Variants in MALRD1 observed in about 807,000 individuals in gnomAD.
The protein encoded by MALRD1 is MAM and LDL-receptor class A domain-containing protein 1.
MALRD1 carries 247 observed loss-of-function variants against 242.1 expected under a neutral mutation model. The observed-to-expected ratio is 1.02, with a 90% CI of 0.92 to 1.13. The LOEUF (loss-of-function observed/expected upper bound fraction) is 1.13, where lower values mean the gene tolerates loss of function less well. Among genes scored for constraint, MALRD1 ranks in the 50% most tolerant of loss-of-function variants. The pLI, the probability that MALRD1 is intolerant of heterozygous loss-of-function variation, is 0.00. For synonymous variants in MALRD1, 995 were observed against 866.6 expected, an observed-to-expected ratio of 1.15 and a Z score of -2.60; for missense variants, 2,989 against 2,533.1, an observed-to-expected ratio of 1.18 and a Z score of -3.86.
intron 28 of MALRD1, among the ~76,000 whole-genome samples, chr10:19,396,785 T>C (rs1846601692): frequency 6.6e-6 from 1 of 152,188 alleles, no homozygotes; most frequent in African/African-American, 2.4e-5. Flanking sequence ...TCCACACATG[T>C]TACAGAGGAG....
At chr10:19,171,447 TATATATATATACACACATGTATATAC>T in intron 13 of MALRD1, among the ~76,000 whole-genome samples, 1 of 111,352 alleles carries the variant, frequency 9.0e-6, no homozygotes, top group African/African-American at 2.9e-5. Flanking sequence ...TATATATATA[TATATATATATACACACATGTATATAC>T]ACACACACAT....
At chr10:19,346,469 A>G (rs117696438) in intron 24 of MALRD1, among the ~76,000 whole-genome samples, 1 of 152,276 alleles carries the variant, frequency 6.6e-6, no homozygotes, top group East Asian at 1.9e-4. Context: ...ATCTGAAGAC[A>G]TATCAACATG....
intron 30 of MALRD1, among the ~76,000 whole-genome samples, chr10:19,495,444 T>G (rs926948282): frequency 1.1e-4 from 16 of 149,436 alleles, no homozygotes; most frequent in African/African-American, 3.7e-4. Context: ...ATATTCAACA[T>G]TCTAAAAAAA....
chr10:19,700,152 A>T (rs944865074), intron 38 of MALRD1, among the ~76,000 whole-genome samples: 4 of 151,648 alleles, frequency 2.6e-5, no homozygotes, highest in Non-Finnish European at 5.9e-5. Context: ...AATAGAAGAC[A>T]CCTCCCTACT....
intron 36 of MALRD1, among the ~76,000 whole-genome samples, chr10:19,669,847 C>T (rs1244372458): frequency 1.3e-5 from 2 of 152,018 alleles, no homozygotes; most frequent in African/African-American, 2.4e-5. Context: ...GAATAAGAAA[C>T]TGCTGATTAT....
chr10:19,530,415 A>AT lies in MALRD1; in HGVS notation c.5321-779_5321-778insT, dbSNP rs1564417377. Among the ~76,000 whole-genome samples, 288 of 19,290 alleles carry AT rather than the reference A, an allele frequency of 0.015. 25 individuals are homozygous for AT. The East Asian group carries it at 0.24, about 16-fold the overall frequency. The allele number at this position is 19,290 out of a possible 152,430, so 12.7% of individuals were successfully genotyped here. A position where few individuals can be genotyped will look rare whatever the true frequency, so the allele number is the denominator to read the frequency against. On this transcript the variant is annotated intron_variant, in intron 31 of 39. Transcript: ENST00000454679. ...TTATATAAATATTATATATTTATAT[A>AT]ATAATAAATATATAATATATATAAT...
At chr10:19,305,504 A>AAGTATTGC (rs1842124211) in intron 21 of MALRD1, among the ~76,000 whole-genome samples, 1 of 151,312 alleles carries the variant, frequency 6.6e-6, no homozygotes, top group Non-Finnish European at 1.5e-5. Context: ...AGCTAAATAA[A>AAGTATTGC]AGTATTGCAA....
chr10:19,491,922 C>G (rs151330583), intron 30 of MALRD1, among the ~76,000 whole-genome samples: 1 of 151,790 alleles, frequency 6.6e-6, no homozygotes, highest in South Asian at 2.1e-4. Flanking sequence ...ATTAGGCACA[C>G]TGTGTGTAGG....
chr10:19,554,252 C>T (rs73595840), intron 32 of MALRD1, among the ~76,000 whole-genome samples: 7,282 of 152,218 alleles, frequency 0.048, 560 homozygotes, highest in African/African-American at 0.17. Context: ...CCAGCATCTG[C>T]TTCTGGTGAG....
At chr10:19,161,278 TCA>T (rs1398404642) in intron 12 of MALRD1, among the ~76,000 whole-genome samples, 111 of 107,104 alleles carry the variant, frequency 1.0e-3, no homozygotes, top group Non-Finnish European at 1.8e-3. Context: ...CCACATATTC[TCA>T]CTCATAGGTG....
intron 36 of MALRD1, among the ~76,000 whole-genome samples, chr10:19,642,298 G>T (rs1443967873): frequency 2.0e-5 from 3 of 152,032 alleles, no homozygotes; most frequent in African/African-American, 4.8e-5. Flanking sequence ...ATTAGCAAAT[G>T]GGTAATTTTA....
At chr10:19,341,763 C>T (rs1843889600) in intron 24 of MALRD1, among the ~76,000 whole-genome samples, 3 of 151,668 alleles carry the variant, frequency 2.0e-5, no homozygotes, top group African/African-American at 4.8e-5. Context: ...AAACGATATG[C>T]GATGTAACTG....
chr10:19,719,240 A>ATG (rs1211873156), intron 38 of MALRD1, among the ~76,000 whole-genome samples: 1 of 130,258 alleles, frequency 7.7e-6, no homozygotes, highest in Non-Finnish European at 1.6e-5. Flanking sequence ...ATATATATAT[A>ATG]TATATATATA....
chr10:19,224,459 T>C (rs2131674343), intron 18 of MALRD1, among the ~76,000 whole-genome samples: 1 of 152,076 alleles, frequency 6.6e-6, no homozygotes, highest in South Asian at 2.1e-4. Flanking sequence ...GCTAAAGTTT[T>C]TTTGTGTGTT....
rs143404393 is a variant in MALRD1 at position 19,118,871 on chromosome 10, A to G, written c.695-4621A>G. ...GGCCTTGGTTTATATGAGGAAGGTC[A>G]TAGTAAGGCATTGATGTTTACTTCA... is the stretch of plus-strand genomic sequence containing the variant. On this transcript the variant is annotated intron_variant, in intron 5 of 39. Coordinates refer to ENST00000454679, the MANE Select transcript of MALRD1 (RefSeq NM_001142308.3). Among the ~76,000 whole-genome samples, 34 of 152,316 alleles carry G rather than the reference A, an allele frequency of 2.2e-4. 1 individual carries two copies. The East Asian group carries it at 6.4e-3, about 29-fold the overall frequency.
Position 19,100,026 on chromosome 10 carries a change from A to G in MALRD1, c.598-3953A>G, listed in dbSNP as rs11817659. On this transcript the variant is annotated intron_variant, in intron 4 of 39. Coordinates refer to ENST00000454679, the MANE Select transcript of MALRD1 (RefSeq NM_001142308.3). The stretch of plus-strand genomic sequence containing the variant: ...TCCGCCTGCCTTGGCCTCCCAAAGT[A>G]TTGGGATTATAGGTGTGAACCACCA... 3.0e-3 allele frequency among the ~76,000 whole-genome samples: 451 copies of G among 152,064 alleles called. 3 individuals carry two copies. Among genetic ancestry groups the G allele is most frequent in the African/African-American group, 0.01 (435 of 41,496 alleles).
At chr10:19,640,220 G>T (rs1840321115) in intron 36 of MALRD1, among the ~76,000 whole-genome samples, 1 of 152,256 alleles carries the variant, frequency 6.6e-6, no homozygotes, top group African/African-American at 2.4e-5. Context: ...CTCCCAAGTA[G>T]CAGGGATTAC....
intron 19 of MALRD1, among the ~76,000 whole-genome samples, chr10:19,265,617 T>C (rs962143635): frequency 6.6e-6 from 1 of 152,160 alleles, no homozygotes; most frequent in African/African-American, 2.4e-5. Context: ...CCTAATTTGT[T>C]AATGCTTGTT....
chr10:19,214,424 C>T lies in MALRD1; in HGVS notation c.2991+4744C>T, dbSNP rs144485366. 5.9e-4 allele frequency among the ~76,000 whole-genome samples: 90 copies of T among 152,294 alleles called. 1 individual carries two copies. In the East Asian group the frequency reaches 0.014, roughly 24 times the overall value. On this transcript the variant is annotated intron_variant, in intron 18 of 39. Transcript: ENST00000454679. ...GGGAGAGAAAGTCTAGTTCTTGTTACTCCATCATGGTCATTGCAGAAGTCA... is the reference window on the plus strand; with the variant it reads ...GGGAGAGAAAGTCTAGTTCTTGTTATTCCATCATGGTCATTGCAGAAGTCA...
Sources: allele counts gnomAD v4.1 joint callset (sites outside exome capture counted in the v4.1 genomes callset), GRCh38; gene constraint gnomAD v4.1.1; transcripts MANE v1.5; gene names NCBI Gene and HGNC (gene_info 2026-07-23, HGNC 2026-07-21).